RARB: variants seen among roughly 807,000 people sequenced by gnomAD.
RARB encodes the protein HBV-activated protein.
Under a neutral mutation model 51.9 loss-of-function variants are expected in RARB, and 17 were observed. That is an observed-to-expected ratio of 0.33 (90% CI 0.22 to 0.49). RARB has a LOEUF of 0.49. RARB is among the 20% of genes least tolerant of loss of function. The pLI, the probability that RARB is intolerant of heterozygous loss-of-function variation, is 0.99. For synonymous variants in RARB, 215 were observed against 195.4 expected (o/e 1.10, Z -0.84); for missense variants, 369 against 550.8 (o/e 0.67, Z 3.30).
At position 25,146,238 on chromosome 3, in the gene RARB, A is replaced by G. The variant is rs575125930; in HGVS notation, c.-280+14030A>G. Among the ~76,000 whole-genome samples the G allele has an allele frequency of 2.0e-5, 3 of 152,276 alleles. No homozygotes were observed. In the South Asian group the frequency reaches 6.2e-4, roughly 32 times the overall value. ...TAATCAGTCATTGTTATTATTTATCAACTACTCTTGATCTAAATGTTCAAT... is the reference window on the plus strand; with the variant it reads ...TAATCAGTCATTGTTATTATTTATCGACTACTCTTGATCTAAATGTTCAAT... On this transcript the variant is annotated intron_variant, in intron 4 of 11. Coordinates refer to the RARB transcript ENST00000383772.
chr3:24,992,371 A>G (rs993171369), intron 2 of RARB, among the ~76,000 whole-genome samples: 1 of 152,090 alleles, frequency 6.6e-6, no homozygotes, highest in Non-Finnish European at 1.5e-5. Context: ...AGGTGCTTTC[A>G]TCTTTCTGTC....
chr3:25,269,319 T>A (rs1313171405), intron 5 of RARB, among the ~76,000 whole-genome samples: 1 of 152,214 alleles, frequency 6.6e-6, no homozygotes, highest in Non-Finnish European at 1.5e-5. Flanking sequence ...TTCTTTAACG[T>A]ATATGCCCCA....
chr3:25,494,309 AC>A (rs1696913598), intron 2 of RARB, among the ~76,000 whole-genome samples: 1 of 144,714 alleles, frequency 6.9e-6, no homozygotes, highest in Non-Finnish European at 1.5e-5. Flanking sequence ...GCCAGCCTGG[AC>A]CACTGGCTGT....
rs1264723647 is a variant in RARB at position 25,428,759 on chromosome 3, G to A, written c.28G>A (p.Val10Met). 5.0e-6 allele frequency: 8 copies of A among 1,614,124 alleles called. No homozygotes were observed. Among genetic ancestry groups the A allele is most frequent in the Non-Finnish European group, 5.9e-6 (7 of 1,180,000 alleles). MFDCMDVLS[V>M]SPGQILDFYT... is the part of the protein sequence containing the mutation. The stretch of plus-strand genomic sequence containing the variant: ...GTTTGACTGTATGGATGTTCTGTCA[G>A]TGAGTCCTGGGCAAATCCTGGATTT... The change falls in exon 1 of 8, where the codon GTG becomes ATG. Residue 10 changes from valine to methionine, a missense_variant. Val to Met is a conservative substitution (Grantham distance 21). Transcript: ENST00000330688.
intron 3 of RARB, among the ~76,000 whole-genome samples, chr3:25,089,781 T>C (rs1485955428): frequency 1.3e-5 from 2 of 152,138 alleles, no homozygotes; most frequent in East Asian, 1.9e-4. Context: ...AACTGATAAA[T>C]AGTTTCCATA....
intron 3 of RARB, among the ~76,000 whole-genome samples, chr3:25,558,673 G>T (rs1700154246): frequency 6.6e-6 from 1 of 151,696 alleles, no homozygotes. Flanking sequence ...CAATGCCATT[G>T]CTCTGACAGC....
rs983216408 is a variant in RARB at position 25,163,535 on chromosome 3, A to T, written c.-279-10584A>T. Among the ~76,000 whole-genome samples, 4 of 122,022 alleles carry T rather than the reference A, an allele frequency of 3.3e-5. No homozygotes were observed. In the East Asian group the frequency reaches 7.4e-4, roughly 22 times the overall value. 80.1% of individuals were successfully genotyped at this position (122,022 alleles called of 152,430 possible). A position where few individuals can be genotyped will look rare whatever the true frequency, so the allele number is the denominator to read the frequency against. ...TATATATATATATATATATATATAT[A>T]TATTTGTTTATTTGGTCTTGCCTTC... is the stretch of plus-strand genomic sequence containing the variant. On this transcript the variant is annotated intron_variant, in intron 4 of 11. Coordinates refer to the RARB transcript ENST00000383772.
intron 5 of RARB, among the ~76,000 whole-genome samples, chr3:25,325,915 A>T (rs1399776837): frequency 6.6e-6 from 1 of 152,240 alleles, no homozygotes; most frequent in African/African-American, 2.4e-5. Context: ...GTTTTAGCTA[A>T]GTCCAAGACC....
chr3:25,148,691 T>G (rs1700234140), intron 4 of RARB, among the ~76,000 whole-genome samples: 1 of 152,222 alleles, frequency 6.6e-6, no homozygotes, highest in African/African-American at 2.4e-5. Context: ...TGCCTCAGTT[T>G]CCTCATGTGT....
At chr3:25,335,743 C>G (rs1047212981) in intron 5 of RARB, among the ~76,000 whole-genome samples, 4 of 152,222 alleles carry the variant, frequency 2.6e-5, no homozygotes, top group African/African-American at 9.6e-5. Context: ...GACAGGGAGA[C>G]TCTGTTTCTG....
intron 1 of RARB, among the ~76,000 whole-genome samples, chr3:24,849,634 G>T (rs958236766): frequency 6.6e-6 from 1 of 152,234 alleles, no homozygotes; most frequent in Non-Finnish European, 1.5e-5. Flanking sequence ...CCTGAGAGAA[G>T]CTTCTCAAAT....
Position 25,481,705 on chromosome 3 carries a change from A to G in RARB, c.307-19477A>G, listed in dbSNP as rs1369763102. Among the ~76,000 whole-genome samples the G allele has an allele frequency of 2.6e-5, 4 of 152,152 alleles. No homozygotes were observed. In the South Asian group the frequency reaches 6.2e-4, roughly 24 times the overall value. On this transcript the variant is annotated intron_variant, in intron 2 of 7. Transcript: ENST00000330688. ...GCAGATATTTTTCCTCTTCACCTACATCCAACTTACCTTCTTTCCTGGTCT... is the reference window on the plus strand; with the variant it reads ...GCAGATATTTTTCCTCTTCACCTACGTCCAACTTACCTTCTTTCCTGGTCT...
intron 5 of RARB, among the ~76,000 whole-genome samples, chr3:25,249,679 T>A (rs1702658152): frequency 6.8e-6 from 1 of 146,720 alleles, no homozygotes; most frequent in Non-Finnish European, 1.5e-5. Flanking sequence ...AGTCTCTGTA[T>A]GATTTTTTTT....
At chr3:24,936,300 TA>T (rs1695547135) in intron 2 of RARB, among the ~76,000 whole-genome samples, 1 of 152,178 alleles carries the variant, frequency 6.6e-6, no homozygotes, top group East Asian at 1.9e-4. Flanking sequence ...AAGAGTTTTC[TA>T]AATTTTACAT....
intron 3 of RARB, among the ~76,000 whole-genome samples, chr3:25,521,673 G>T (rs1400870628): frequency 6.6e-6 from 1 of 152,108 alleles, no homozygotes; most frequent in African/African-American, 2.4e-5. Context: ...GACACCTAGG[G>T]GCCAGCCATG....
chr3:25,551,107 G>A (rs1699834809), intron 3 of RARB, among the ~76,000 whole-genome samples: 2 of 152,120 alleles, frequency 1.3e-5, no homozygotes, highest in Admixed American at 1.3e-4. Context: ...AAGGCTTGAA[G>A]GGCAGGGTCT....
At chr3:25,188,992 C>T (rs1381879930) in intron 5 of RARB, among the ~76,000 whole-genome samples, 1 of 152,114 alleles carries the variant, frequency 6.6e-6, no homozygotes, top group Admixed American at 6.5e-5. Context: ...CTCAAACAAA[C>T]TAAAAGTCTA....
At chr3:24,874,977 T>C (rs763314187) in intron 2 of RARB, among the ~76,000 whole-genome samples, 1 of 152,146 alleles carries the variant, frequency 6.6e-6, no homozygotes, top group Admixed American at 6.5e-5. Flanking sequence ...AAAAATCTAA[T>C]GCTTATTAAT....
chr3:25,154,460 G>A (rs1489128383), intron 4 of RARB, among the ~76,000 whole-genome samples: 1 of 152,204 alleles, frequency 6.6e-6, no homozygotes, highest in South Asian at 2.1e-4. Context: ...GGAGACCAAA[G>A]TCTTGGGCCC....
Sources: allele counts gnomAD v4.1 joint callset (sites outside exome capture counted in the v4.1 genomes callset), GRCh38; gene constraint gnomAD v4.1.1; transcripts MANE v1.5; gene names NCBI Gene and HGNC (gene_info 2026-07-23, HGNC 2026-07-21).